Variants in MIDEAS observed in about 807,000 individuals in gnomAD.
MIDEAS encodes the protein mitotic deacetylase-associated SANT domain protein.
MIDEAS carries 26 observed loss-of-function variants against 102.7 expected under a neutral mutation model. The observed-to-expected ratio is 0.25, with a 90% CI of 0.19 to 0.35. The LOEUF (loss-of-function observed/expected upper bound fraction) is 0.35. Ranked by LOEUF, MIDEAS falls within the 10% of genes least tolerant of loss-of-function variation. MIDEAS has a pLI of 1.00. For missense variants in MIDEAS, 1,231 were observed against 1,435.6 expected (o/e 0.86, Z 2.30); for synonymous variants, 585 against 591.0 (o/e 0.99, Z 0.15).
intron 1 of MIDEAS, among the ~76,000 whole-genome samples, chr14:73,786,315 C>T (rs2053808498): frequency 6.6e-6 from 1 of 152,224 alleles, no homozygotes; most frequent in Non-Finnish European, 1.5e-5. Flanking sequence ...AAAGTTCCTG[C>T]AGCACATTCC....
Position 73,760,137 on chromosome 14 carries a change from GAA to G in MIDEAS, c.-624_-623del, listed in dbSNP as rs10708298. 50 of 143,890 alleles carry G rather than the reference GAA, an allele frequency of 3.5e-4. No individual in the cohort carries two copies. Among genetic ancestry groups the G allele is most frequent in the Admixed American group, 4.8e-4 (7 of 14,614 alleles). 8.9% of individuals were successfully genotyped at this position (143,890 alleles called of 1,614,324 possible). On this transcript the variant is annotated 5_prime_UTR_variant, in exon 1 of 13. Transcript: ENST00000423556. The surrounding 1 kb of genome is among the most constrained non-coding windows in gnomAD (Gnocchi z 4.8). ...GACTCATCGGTTGAGCTCACAGCTT[GAA>G]AAAAAAAAAAAGAGAGAGGGCGAGA...
intron 11 of MIDEAS, among the ~76,000 whole-genome samples, chr14:73,719,708 C>G (rs938189731): frequency 6.6e-5 from 10 of 151,830 alleles, no homozygotes; most frequent in Admixed American, 3.3e-4. Context: ...TACAAAGTTG[C>G]TGCTAGAGTA....
intron 1 of MIDEAS, among the ~76,000 whole-genome samples, chr14:73,769,085 T>C (rs1351727019): frequency 2.0e-5 from 3 of 152,208 alleles, no homozygotes; most frequent in Admixed American, 6.5e-5. Flanking sequence ...CCTCCAGCTC[T>C]AACAGCCTGT....
intron 1 of MIDEAS, among the ~76,000 whole-genome samples, chr14:73,774,979 G>A (rs2053676533): frequency 6.6e-6 from 1 of 152,076 alleles, no homozygotes; most frequent in Non-Finnish European, 1.5e-5. Flanking sequence ...CCTGCAGGGG[G>A]GAAGTTCAAT....
intron 1 of MIDEAS, among the ~76,000 whole-genome samples, chr14:73,780,936 G>GTTT (rs58847225): frequency 3.3e-5 from 5 of 150,692 alleles, no homozygotes; most frequent in Non-Finnish European, 3.0e-5. Flanking sequence ...AGTTTTTTTT[G>GTTT]TTTTTTTGTT....
intron 3 of MIDEAS, among the ~76,000 whole-genome samples, chr14:73,734,933 TCAATC>T (rs912295803): frequency 2.0e-5 from 3 of 151,976 alleles, no homozygotes; most frequent in Non-Finnish European, 4.4e-5. Flanking sequence ...ACAAATCAAA[TCAATC>T]CAAAGGAGAA....
chr14:73,727,089 G>C, intron 5 of MIDEAS, 117 bp from the exon 6 acceptor site: 1 of 1,313,500 alleles, frequency 7.6e-7, no homozygotes, highest in Middle Eastern at 2.6e-4. Context: ...CCTCAGCTAG[G>C]TGTAGGGAGT....
rs544293669 is a variant in MIDEAS, at chr14:73,780,941, TTTGTTG to T, written c.-248+6155_-248+6160del. Among the ~76,000 whole-genome samples, 495 of 152,152 alleles carry T rather than the reference TTTGTTG, an allele frequency of 3.3e-3. 6 individuals are homozygous for T. The highest frequency in any genetic ancestry group is 0.011 in the African/African-American group (470 of 41,530). On this transcript the variant is annotated intron_variant, in intron 1 of 11. Coordinates refer to the MIDEAS transcript ENST00000394071. ...CTTCACCCCTAGTTTTTTTTGTTTT[TTTGTTG>T]TTGTTGTTGTTGTTAAGTTTCACCT...
chr14:73,720,484 T>A (rs1037370132), intron 11 of MIDEAS, among the ~76,000 whole-genome samples: 1 of 152,102 alleles, frequency 6.6e-6, no homozygotes, highest in Admixed American at 6.6e-5. Context: ...TGACCTCAGG[T>A]GATCCACTCA....
At chr14:73,724,323 G>GA (rs1302408837) in intron 9 of MIDEAS, 1 of 152,206 alleles carries the variant, frequency 6.6e-6, no homozygotes, top group East Asian at 1.9e-4. Context: ...GTCTGAGGAG[G>GA]AAACAGACAT....
chr14:73,722,859 T>G lies in MIDEAS; in HGVS notation c.2575-12A>C, dbSNP rs1566582656. On this transcript the variant is annotated splice_polypyrimidine_tract_variant and intron_variant, in intron 9 of 12. Coordinates refer to ENST00000423556, the MANE Select transcript of MIDEAS (RefSeq NM_001367710.1). ...GTCTTGGTCTGGATCTGGTTTGAAG[T>G]CAAAACTGAGGTCAGAACCCTCTGG... 2 of 1,613,650 alleles carry G rather than the reference T, an allele frequency of 1.2e-6. No individual in the cohort carries two copies. The highest frequency in any genetic ancestry group is 2.2e-5 in the East Asian group (1 of 44,860).
In MIDEAS at chr14:73,738,938, G is replaced by A; in HGVS notation, c.1071C>T (p.Pro357=). Residue 357 remains proline (P), a synonymous_variant, in exon 2 of 13, where the codon CCC becomes CCT. Transcript: ENST00000423556. The part of the protein sequence containing the change: ...RRLSKEGILP[P]SALDGAGTQP... ...GGGTGCCAGCCCCATCCAGGGCGCTGGGAGGCAGGATACCCTCCTTAGAGA... is the reference window on the plus strand; with the variant it reads ...GGGTGCCAGCCCCATCCAGGGCGCTAGGAGGCAGGATACCCTCCTTAGAGA... The A allele has an allele frequency of 1.3e-6, 2 of 1,527,828 alleles. No individual in the cohort carries two copies. The highest frequency in any genetic ancestry group is 1.8e-6 in the Non-Finnish European group (2 of 1,139,752). The allele number at this position is 1,527,828 out of a possible 1,614,324, so 94.6% of individuals were successfully genotyped here.
At chr14:73,727,218 C>T (rs911231047) in intron 5 of MIDEAS, 14 of 622,660 alleles carry the variant, frequency 2.2e-5, no homozygotes, top group African/African-American at 5.6e-5. Context: ...CCTCTGGACC[C>T]CCCTTTCAAC....
intron 1 of MIDEAS, among the ~76,000 whole-genome samples, chr14:73,756,291 T>TGCGCGCGC (rs769614163): frequency 4.0e-4 from 30 of 75,848 alleles, no homozygotes; most frequent in African/African-American, 1.2e-3. Flanking sequence ...TGTGTGTGTG[T>TGCGCGCGC]GTGTGCGCGC....
intron 1 of MIDEAS, among the ~76,000 whole-genome samples, chr14:73,780,430 G>C (rs771772016): frequency 2.0e-5 from 3 of 152,228 alleles, no homozygotes; most frequent in Non-Finnish European, 2.9e-5. Context: ...GGCCATAGCC[G>C]TAACAGTAGT....
chr14:73,756,346 T>C (rs2053484263), intron 1 of MIDEAS, among the ~76,000 whole-genome samples: 1 of 151,962 alleles, frequency 6.6e-6, no homozygotes, highest in South Asian at 2.1e-4. Context: ...GGATTCCAAA[T>C]TGCAGTTTCC....
intron 1 of MIDEAS, among the ~76,000 whole-genome samples, chr14:73,776,074 T>C (rs1248928287): frequency 6.6e-6 from 1 of 151,894 alleles, no homozygotes; most frequent in Non-Finnish European, 1.5e-5. Flanking sequence ...AAGTGGCACC[T>C]CGCAAACACC....
intron 1 of MIDEAS, among the ~76,000 whole-genome samples, chr14:73,772,622 A>G (rs964069327): frequency 4.6e-5 from 7 of 152,062 alleles, no homozygotes; most frequent in African/African-American, 1.7e-4. Flanking sequence ...CAATGTTGCT[A>G]TAAATATCTT....
chr14:73,766,975 C>T (rs2053597537), intron 1 of MIDEAS, among the ~76,000 whole-genome samples: 1 of 151,654 alleles, frequency 6.6e-6, no homozygotes, highest in African/African-American at 2.4e-5. Context: ...TCTGCCTCAG[C>T]CTCCCAAGTA....
Sources: allele counts gnomAD v4.1 joint callset (sites outside exome capture counted in the v4.1 genomes callset), GRCh38; gene constraint gnomAD v4.1.1; non-coding constraint Gnocchi (gnomAD v3.1); transcripts MANE v1.5; gene names NCBI Gene and HGNC (gene_info 2026-07-23, HGNC 2026-07-21).